SRGAP1: variants seen among roughly 807,000 people sequenced by gnomAD.
The protein encoded by SRGAP1 is SLIT-ROBO Rho GTPase-activating protein 1.
A neutral mutation model predicts 121.9 loss-of-function variants in SRGAP1; 43 were observed. The ratio of observed to expected loss-of-function variants is 0.35; its 90% CI spans 0.28 to 0.46. The LOEUF is 0.46. Among genes scored for constraint, SRGAP1 ranks in the 20% least tolerant of loss-of-function variants. The pLI, the probability that SRGAP1 is intolerant of heterozygous loss-of-function variation, is 1.00. For synonymous variants in SRGAP1, 447 were observed against 485.4 expected (o/e 0.92, Z 1.04); for missense variants, 1,102 against 1,350.9 (o/e 0.82, Z 2.89).
rs188849021 is a variant in SRGAP1, at chr12:63,959,430, A to G, written c.68-24517A>G. ...TTAAAATAGTTGTGAAGTCCAGTGC[A>G]ATAGTTAAAGCTAGAATAGAAACTC... On this transcript the variant is annotated intron_variant, in intron 1 of 21. Transcript: ENST00000355086. Among the ~76,000 whole-genome samples, 1,344 of 152,302 alleles carry G rather than the reference A, an allele frequency of 8.8e-3. 17 individuals carry two copies. Among genetic ancestry groups the G allele is most frequent in the African/African-American group, 0.031 (1,279 of 41,564 alleles).
intron 1 of SRGAP1, among the ~76,000 whole-genome samples, chr12:63,895,610 G>A (rs183068305): frequency 9.9e-5 from 15 of 152,192 alleles, no homozygotes; most frequent in African/African-American, 2.9e-4. Flanking sequence ...CCACATTCAC[G>A]ACTTGCCTTG....
chr12:64,018,590 G>GT, intron 4 of SRGAP1, among the ~76,000 whole-genome samples: 1 of 152,010 alleles, frequency 6.6e-6, no homozygotes, highest in Non-Finnish European at 1.5e-5. Context: ...GAACTTTCTA[G>GT]TTTTTTACTA....
chr12:63,941,686 A>G (rs1348788932), intron 1 of SRGAP1, among the ~76,000 whole-genome samples: 1 of 152,128 alleles, frequency 6.6e-6, no homozygotes, highest in African/African-American at 2.4e-5. Flanking sequence ...GAAAAAAAAA[A>G]AAAAAGGACT....
chr12:64,067,142 T>G (rs1220954903), intron 8 of SRGAP1, among the ~76,000 whole-genome samples: 4 of 152,228 alleles, frequency 2.6e-5, no homozygotes, highest in African/African-American at 7.2e-5. Context: ...TCTCTTACAC[T>G]GGACTGTTTG....
In SRGAP1 at chr12:64,065,099, G is replaced by T. The variant is rs528073700; in HGVS notation, c.1024-19G>T. ...GGTTGATGGTGCCCTGTTGTAACTGGTTTCTCATTCTCCATCAGGTGTGCC... is the reference window on the plus strand; with the variant it reads ...GGTTGATGGTGCCCTGTTGTAACTGTTTTCTCATTCTCCATCAGGTGTGCC... On this transcript the variant is annotated intron_variant, in intron 7 of 21. Coordinates refer to ENST00000355086, the MANE Select transcript of SRGAP1 (RefSeq NM_020762.4). 36 of 1,602,626 alleles carry T rather than the reference G, an allele frequency of 2.2e-5. No individual in the cohort carries two copies. The South Asian group carries it at 3.8e-4, about 17-fold the overall frequency.
At chr12:63,983,805 T>A (rs201619902) in intron 1 of SRGAP1, 142 bp from the exon 2 acceptor site, 64 of 1,768 alleles carry the variant, frequency 0.036, 5 homozygotes, top group East Asian at 0.13. Context: ...AAAATATATA[T>A]ATATATATAT....
At chr12:63,977,847 A>C (rs914198318) in intron 1 of SRGAP1, among the ~76,000 whole-genome samples, 6 of 152,202 alleles carry the variant, frequency 3.9e-5, no homozygotes, top group African/African-American at 1.4e-4. Flanking sequence ...TAAAACTGCC[A>C]TTATGATTAT....
At chr12:64,024,817 GC>G (rs1018039521) in intron 4 of SRGAP1, among the ~76,000 whole-genome samples, 8 of 152,140 alleles carry the variant, frequency 5.3e-5, no homozygotes, top group Non-Finnish European at 1.2e-4. Context: ...TGAAGGGGCA[GC>G]CCTTATAAAA....
At chr12:63,983,797 AATATATATATATAT>A (rs71911661) in intron 1 of SRGAP1, 136 bp from the exon 2 acceptor site, 3,392 of 64,574 alleles carry the variant, frequency 0.053, 93 homozygotes, top group African/African-American at 0.056. Context: ...ATACATTTAA[AATATATATATATAT>A]ATATATATAT....
chr12:63,844,980 G>A lies in SRGAP1; in HGVS notation c.67+97G>A. 1 of 1,232,500 alleles carries A rather than the reference G, an allele frequency of 8.1e-7. No individual in the cohort carries two copies. The highest frequency in any genetic ancestry group is 1.2e-6 in the Non-Finnish European group (1 of 835,958). 76.3% of individuals were successfully genotyped at this position (1,232,500 alleles called of 1,614,324 possible). On this transcript the variant is annotated intron_variant, in intron 1 of 21. Coordinates refer to ENST00000355086, the MANE Select transcript of SRGAP1 (RefSeq NM_020762.4). The surrounding 1 kb of genome is among the most constrained non-coding windows in gnomAD (Gnocchi z 4.3). ...TAACTTGGTGTCTGCGTGGGAGGAA[G>A]GTGGTGAGGGGACAGCTCGAGCCCT... is the stretch of plus-strand genomic sequence containing the variant.
In SRGAP1 at chr12:63,869,503, C is replaced by T. The variant is rs546741016; in HGVS notation, c.67+24620C>T. 2.0e-5 allele frequency among the ~76,000 whole-genome samples: 3 copies of T among 152,202 alleles called. No individual in the cohort carries two copies. In the South Asian group the frequency reaches 6.2e-4, roughly 32 times the overall value. ...TGTGTGTTTCTTTCCTTCCTTTCAA[C>T]AGGGCAGCACCCTTCTAAAACACCC... On this transcript the variant is annotated intron_variant, in intron 1 of 21. Transcript: ENST00000355086.
intron 1 of SRGAP1, among the ~76,000 whole-genome samples, chr12:63,884,581 C>CAGTATTTT (rs1474330154): frequency 6.6e-6 from 1 of 152,068 alleles, no homozygotes; most frequent in Non-Finnish European, 1.5e-5. Context: ...AGTATGCATG[C>CAGTATTTT]AGTATTTTAC....
chr12:64,025,931 T>A (rs2034643654), intron 4 of SRGAP1, among the ~76,000 whole-genome samples: 1 of 152,246 alleles, frequency 6.6e-6, no homozygotes, highest in East Asian at 1.9e-4. Context: ...AAGAACTGTT[T>A]GATAAGAACT....
intron 3 of SRGAP1, among the ~76,000 whole-genome samples, chr12:64,014,758 TTTGTTG>T (rs56666934): frequency 0.023 from 3,494 of 151,586 alleles, 139 homozygotes; most frequent in African/African-American, 0.081. Context: ...CATAAGGGAA[TTTGTTG>T]TTGTTGTTGT....
At chr12:63,871,772 A>G in intron 1 of SRGAP1, 1 of 1,255,328 alleles carries the variant, frequency 8.0e-7, no homozygotes. Flanking sequence ...TTCTTTTCTT[A>G]TATCCTCCCA....
chr12:63,906,582 G>C (rs1592934553), intron 1 of SRGAP1, among the ~76,000 whole-genome samples: 1 of 152,078 alleles, frequency 6.6e-6, no homozygotes. Context: ...CAAAGTGCTG[G>C]GATTACAGGT....
At chr12:64,073,847 G>C (rs555236149) in intron 8 of SRGAP1, among the ~76,000 whole-genome samples, 1 of 149,158 alleles carries the variant, frequency 6.7e-6, no homozygotes, top group Non-Finnish European at 1.5e-5. Flanking sequence ...TTCTTTTTGC[G>C]TTTTTTGGTT....
At chr12:64,118,064 A>G (rs1251196974) in intron 18 of SRGAP1, among the ~76,000 whole-genome samples, 1 of 152,204 alleles carries the variant, frequency 6.6e-6, no homozygotes, top group Admixed American at 6.5e-5. Flanking sequence ...TGAACATAGG[A>G]GTGCTCTTCA....
chr12:64,022,362 A>G (rs895313464), intron 4 of SRGAP1, among the ~76,000 whole-genome samples: 6 of 152,158 alleles, frequency 3.9e-5, no homozygotes, highest in Non-Finnish European at 5.9e-5. Flanking sequence ...GGAAAAGACC[A>G]ATGTTCCAGC....
Sources: gnomAD v4.1 joint callset for allele counts (sites outside exome capture counted in the v4.1 genomes callset) on GRCh38, gnomAD v4.1.1 for gene constraint, Gnocchi (gnomAD v3.1) non-coding constraint, MANE v1.5 for transcripts, NCBI Gene and HGNC (gene_info 2026-07-23, HGNC 2026-07-21) for gene names.